RYR3: variants seen among roughly 807,000 people sequenced by gnomAD.
The protein encoded by RYR3 is brain ryanodine receptor-calcium release channel.
RYR3 carries 207 observed loss-of-function variants against 584.3 expected under a neutral mutation model. That is an observed-to-expected ratio of 0.35 (90% CI 0.32 to 0.40). RYR3 has a LOEUF of 0.40. RYR3 is among the 10% of genes least tolerant of loss of function. The pLI is 1.00. For synonymous variants in RYR3, 2,416 were observed against 2,248.5 expected, an observed-to-expected ratio of 1.07 and a Z score of -2.11; for missense variants, 5,616 against 6,089.2, an observed-to-expected ratio of 0.92 and a Z score of 2.59.
intron 1 of RYR3, among the ~76,000 whole-genome samples, chr15:33,336,746 T>A (rs1971141617): frequency 6.6e-6 from 1 of 151,486 alleles, no homozygotes; most frequent in African/African-American, 2.4e-5. Context: ...TGTATTGCAA[T>A]ACAAGGACTA....
chr15:33,783,392 A>C lies in RYR3; in HGVS notation c.9269-2270A>C, dbSNP rs192804706. ...ACACAGCTGAGGCTGTTTTTCTAGCAGCTAACTCGGAATTCATTCTGTGGG... is the reference window on the plus strand; with the variant it reads ...ACACAGCTGAGGCTGTTTTTCTAGCCGCTAACTCGGAATTCATTCTGTGGG... On this transcript the variant is annotated intron_variant, in intron 65 of 103. Transcript: ENST00000634891. 3.9e-5 allele frequency among the ~76,000 whole-genome samples: 6 copies of C among 152,212 alleles called. No homozygotes were observed. The South Asian group carries it at 6.2e-4, about 16-fold the overall frequency.
chr15:33,448,874 G>A (rs2046884831), intron 1 of RYR3, among the ~76,000 whole-genome samples: 1 of 152,124 alleles, frequency 6.6e-6, no homozygotes, highest in Admixed American at 6.5e-5. Flanking sequence ...GGAAGTGGCT[G>A]CGGCTGCCTG....
intron 24 of RYR3, among the ~76,000 whole-genome samples, chr15:33,633,802 T>C (rs1242393418): frequency 3.9e-5 from 6 of 152,194 alleles, no homozygotes; most frequent in Non-Finnish European, 1.5e-5. Context: ...GAGAGGGACA[T>C]TACTACAAAT....
intron 55 of RYR3, among the ~76,000 whole-genome samples, chr15:33,749,559 C>T (rs565729653): frequency 2.0e-5 from 3 of 152,230 alleles, no homozygotes; most frequent in South Asian, 2.1e-4. Context: ...TCCTTTAAGA[C>T]GTGATTATTT....
At chr15:33,363,127 GTGCCATGT>G in intron 1 of RYR3, among the ~76,000 whole-genome samples, 1 of 152,176 alleles carries the variant, frequency 6.6e-6, no homozygotes. Context: ...CACTGCAAGG[GTGCCATGT>G]GTACCAGTCA....
intron 40 of RYR3, among the ~76,000 whole-genome samples, chr15:33,698,324 C>T (rs2152768131): frequency 6.6e-6 from 1 of 152,308 alleles, no homozygotes; most frequent in East Asian, 1.9e-4. Context: ...GTGTTTTGTG[C>T]TGAGTCAGGA....
chr15:33,607,134 A>T (rs2059947455), intron 18 of RYR3, among the ~76,000 whole-genome samples: 1 of 152,074 alleles, frequency 6.6e-6, no homozygotes, highest in African/African-American at 2.4e-5. Flanking sequence ...CTGTCTTTGG[A>T]TCCCCTGTCA....
chr15:33,534,304 G>C (rs2055135927), intron 5 of RYR3, among the ~76,000 whole-genome samples: 1 of 152,244 alleles, frequency 6.6e-6, no homozygotes, highest in Admixed American at 6.5e-5. Context: ...AGGAGGCTGA[G>C]GTGGGAGAAT....
intron 2 of RYR3, among the ~76,000 whole-genome samples, chr15:33,483,940 A>G (rs2050189226): frequency 2.0e-5 from 3 of 152,198 alleles, no homozygotes; most frequent in Admixed American, 6.5e-5. Flanking sequence ...AAGAAAATTT[A>G]ATTAAATGTT....
intron 14 of RYR3, among the ~76,000 whole-genome samples, chr15:33,583,235 T>G (rs1336070728): frequency 6.6e-6 from 1 of 152,186 alleles, no homozygotes; most frequent in Admixed American, 6.5e-5. Flanking sequence ...CAAGAACCAC[T>G]GTCAAATAGG....
intron 2 of RYR3, among the ~76,000 whole-genome samples, chr15:33,486,860 C>T (rs1211403294): frequency 6.6e-6 from 1 of 152,048 alleles, no homozygotes; most frequent in Non-Finnish European, 1.5e-5. Context: ...ACCTGAGTTT[C>T]ATTTGTTCAG....
intron 102 of RYR3, among the ~76,000 whole-genome samples, chr15:33,861,789 T>G (rs757127509): frequency 2.6e-5 from 4 of 152,220 alleles, no homozygotes; most frequent in Admixed American, 6.5e-5. Flanking sequence ...GGGATATTTT[T>G]GGGCATGTCT....
intron 75 of RYR3, among the ~76,000 whole-genome samples, chr15:33,817,979 T>C (rs2076907860): frequency 6.6e-6 from 1 of 152,160 alleles, no homozygotes; most frequent in Non-Finnish European, 1.5e-5. Context: ...AAAGACCTGA[T>C]AAAAGGAGAA....
intron 5 of RYR3, among the ~76,000 whole-genome samples, chr15:33,537,528 A>G (rs2055432099): frequency 2.3e-5 from 1 of 43,566 alleles, no homozygotes; most frequent in Non-Finnish European, 4.6e-5. Flanking sequence ...CTGTAATTCT[A>G]TATTGGAAAT....
At chr15:33,628,421 T>A in intron 20 of RYR3, 50 bp from the exon 21 acceptor site, 1 of 1,342,444 alleles carries the variant, frequency 7.4e-7, no homozygotes, top group Non-Finnish European at 1.1e-6. Context: ...ATAGATTTTA[T>A]GATAGGTTTC....
chr15:33,514,658 G>A (rs773470611), intron 3 of RYR3, among the ~76,000 whole-genome samples: 2 of 150,730 alleles, frequency 1.3e-5, no homozygotes, highest in African/African-American at 2.4e-5. Context: ...AGTTTCTAAA[G>A]TTATGACTTG....
intron 34 of RYR3, 119 bp downstream of exon 34, chr15:33,660,542 T>C: frequency 1.6e-6 from 1 of 640,578 alleles, no homozygotes; most frequent in South Asian, 2.1e-5. Context: ...CCAGTATGAC[T>C]TGATTTCCCC....
At chr15:33,701,652 G>T (rs764681695) in intron 42 of RYR3, among the ~76,000 whole-genome samples, 3 of 151,756 alleles carry the variant, frequency 2.0e-5, no homozygotes, top group African/African-American at 7.3e-5. Flanking sequence ...GGAGGGGGAG[G>T]GGGGTGGAGA....
intron 86 of RYR3, among the ~76,000 whole-genome samples, chr15:33,831,613 C>T (rs899792906): frequency 3.9e-5 from 6 of 152,254 alleles, no homozygotes; most frequent in African/African-American, 1.4e-4. Context: ...CAGTCAAACC[C>T]GCAAGTGTAT....
Sources: gnomAD v4.1 joint callset for allele counts (sites outside exome capture counted in the v4.1 genomes callset) on GRCh38, gnomAD v4.1.1 for gene constraint, MANE v1.5 for transcripts, NCBI Gene and HGNC (gene_info 2026-07-23, HGNC 2026-07-21) for gene names.